Variants in PTH2R observed in about 807,000 individuals in gnomAD.
PTH2R encodes parathyroid hormone 2 receptor.
Under a neutral mutation model 60.3 loss-of-function variants are expected in PTH2R, and 59 were observed. The observed-to-expected ratio is 0.98, with a 90% CI of 0.79 to 1.22. PTH2R has a LOEUF of 1.22. PTH2R is among the 50% of genes most tolerant of loss of function. The probability of loss-of-function intolerance (pLI) is 0.00; values close to 1 mark genes in which losing one functional copy is unlikely to be tolerated. For missense variants in PTH2R, 749 were observed against 682.6 expected, an observed-to-expected ratio of 1.10 and a Z score of -1.08; for synonymous variants, 256 against 243.8, an observed-to-expected ratio of 1.05 and a Z score of -0.47.
chr2:208,434,058 A>C (rs895531200), intron 2 of PTH2R, among the ~76,000 whole-genome samples: 2 of 152,208 alleles, frequency 1.3e-5, no homozygotes, highest in Non-Finnish European at 2.9e-5. Context: ...TCGTGCCTGT[A>C]ATCCCAACAC....
chr2:208,406,045 C>T (rs79923134), upstream of PTH2R, among the ~76,000 whole-genome samples: 80 of 152,270 alleles, frequency 5.3e-4, 2 homozygotes, highest in East Asian at 0.015. Context: ...AGGAGGTTCT[C>T]GCATTTCTCC....
chr2:208,489,427 T>C (rs1703353186), intron 11 of PTH2R, among the ~76,000 whole-genome samples: 2 of 152,040 alleles, frequency 1.3e-5, no homozygotes, highest in Admixed American at 6.6e-5. Flanking sequence ...GTAAAATATG[T>C]AACACCTATA....
intron 1 of PTH2R, among the ~76,000 whole-genome samples, chr2:208,370,863 G>C (rs1222756604): frequency 6.6e-6 from 1 of 152,056 alleles, no homozygotes; most frequent in African/African-American, 2.4e-5. Flanking sequence ...CAGTTCTGCA[G>C]GGTGTATAGG....
intron 9 of PTH2R, among the ~76,000 whole-genome samples, chr2:208,474,239 T>C (rs1251888206): frequency 6.8e-6 from 1 of 147,230 alleles, no homozygotes; most frequent in African/African-American, 2.5e-5. Context: ...TAATATAACC[T>C]ATGAAAAGCA....
intron 1 of PTH2R, among the ~76,000 whole-genome samples, chr2:208,370,442 C>CAAAAAAAAA (rs71041305): frequency 3.2e-5 from 2 of 61,638 alleles, no homozygotes; most frequent in Non-Finnish European, 5.5e-5. Context: ...GACTCCGTCT[C>CAAAAAAAAA]AAAAAAAAAA....
At chr2:208,418,593 T>C (rs1191488832) in intron 1 of PTH2R, among the ~76,000 whole-genome samples, 1 of 152,086 alleles carries the variant, frequency 6.6e-6, no homozygotes. Context: ...TGAAAAAAGG[T>C]ACTTAGAAAA....
chr2:208,443,497 A>G lies in PTH2R; in HGVS notation c.659A>G (p.Gln220Arg). The G allele has an allele frequency of 6.2e-7, 1 of 1,612,006 alleles. No homozygotes were observed. Among genetic ancestry groups the G allele is most frequent in the East Asian group, 2.2e-5 (1 of 44,844 alleles). Residue 220 changes from glutamine to arginine, a missense_variant, in exon 6 of 13, where the codon CAA becomes CGA. Physicochemically the swap from Gln to Arg is conservative, Grantham distance 43. Transcript: ENST00000272847. Reference sequence around the variant, plus strand: ...TCCCTAATAATGCAGGATGACCCACAAAATTCCATTGAGGCAACTTCTGTG... The same window carrying G: ...TCCCTAATAATGCAGGATGACCCACGAAATTCCATTGAGGCAACTTCTGTG... The part of the protein sequence containing the change: ...LESLIMQDDP[Q>R]NSIEATSVDK...
Position 208,484,728 on chromosome 2 carries a change from C to T in PTH2R, c.1076+3564C>T, listed in dbSNP as rs948309975. On this transcript the variant is annotated intron_variant, in intron 10 of 12. Coordinates refer to ENST00000272847, the MANE Select transcript of PTH2R (RefSeq NM_005048.4). ...TTTATTTTTTTAAAATAAATCCAAC[C>T]GGTATTTATTACGTAGCATGAGAGT... 5.9e-5 allele frequency among the ~76,000 whole-genome samples: 9 copies of T among 152,142 alleles called. No individual in the cohort carries two copies. In the East Asian group the frequency reaches 7.7e-4, roughly 13 times the overall value.
intron 1 of PTH2R, among the ~76,000 whole-genome samples, chr2:208,363,067 T>C (rs749550099): frequency 4.6e-5 from 7 of 152,324 alleles, no homozygotes; most frequent in Non-Finnish European, 1.0e-4. Flanking sequence ...ATGTGCAGGT[T>C]TGTTACATGG....
rs1328620871 is a variant in PTH2R, at chr2:208,493,934, CTTTTGGGTAGAAAAAA to C, written c.*276_*291del. 5 of 284,088 alleles carry C rather than the reference CTTTTGGGTAGAAAAAA, an allele frequency of 1.8e-5. No individual in the cohort carries two copies. Among genetic ancestry groups the C allele is most frequent in the Non-Finnish European group, 3.2e-5 (5 of 154,016 alleles). 17.6% of individuals were successfully genotyped at this position (284,088 alleles called of 1,614,324 possible). ...TGTGATTGTTCATTTTTTTCTGCTACTTTTGGGTAGAAAAAAGATTCAATTGCTTGGCTGTAGCTTT... is the reference window on the plus strand; with the variant it reads ...TGTGATTGTTCATTTTTTTCTGCTACGATTCAATTGCTTGGCTGTAGCTTT... On this transcript the variant is annotated 3_prime_UTR_variant, in exon 13 of 13. Transcript: ENST00000272847.
intron 2 of PTH2R, among the ~76,000 whole-genome samples, chr2:208,436,627 T>C (rs954054596): frequency 2.0e-5 from 3 of 152,130 alleles, no homozygotes; most frequent in Non-Finnish European, 4.4e-5. Flanking sequence ...GCTCATGACC[T>C]GCGTGCACCA....
At chr2:208,484,775 C>T (rs866329672) in intron 10 of PTH2R, among the ~76,000 whole-genome samples, 4 of 152,132 alleles carry the variant, frequency 2.6e-5, no homozygotes, top group South Asian at 2.1e-4. Context: ...GTTTTAAGGC[C>T]GCATCCATCA....
chr2:208,392,597 C>G (rs1701126291), intron 1 of PTH2R, among the ~76,000 whole-genome samples: 1 of 152,184 alleles, frequency 6.6e-6, no homozygotes, highest in Admixed American at 6.5e-5. Flanking sequence ...AGGAGTGGGA[C>G]TTTTAGGCCT....
At chr2:208,376,945 T>C (rs995919571) in intron 1 of PTH2R, among the ~76,000 whole-genome samples, 1 of 151,792 alleles carries the variant, frequency 6.6e-6, no homozygotes, top group Non-Finnish European at 1.5e-5. Context: ...GGTCATAGGA[T>C]AATAGTGGAG....
chr2:208,381,464 C>A (rs1467176440), intron 1 of PTH2R, among the ~76,000 whole-genome samples: 1 of 151,978 alleles, frequency 6.6e-6, no homozygotes, highest in Non-Finnish European at 1.5e-5. Flanking sequence ...TCTCTCGAAC[C>A]CAGGCTGGAG....
intron 1 of PTH2R, among the ~76,000 whole-genome samples, chr2:208,409,441 C>G (rs1018646809): frequency 6.6e-6 from 1 of 152,114 alleles, no homozygotes; most frequent in Non-Finnish European, 1.5e-5. Context: ...ATATTATTAG[C>G]TTAAGTATGA....
intron 8 of PTH2R, among the ~76,000 whole-genome samples, chr2:208,458,734 A>T (rs1456119658): frequency 6.6e-6 from 1 of 152,146 alleles, no homozygotes; most frequent in African/African-American, 2.4e-5. Flanking sequence ...TTTGCTAAGG[A>T]TGATAGCCTC....
chr2:208,371,834 C>A (rs957275236), intron 1 of PTH2R, among the ~76,000 whole-genome samples: 1 of 152,084 alleles, frequency 6.6e-6, no homozygotes, highest in Non-Finnish European at 1.5e-5. Flanking sequence ...GACAAGATGT[C>A]AGTTTTGCTT....
chr2:208,389,243 C>G (rs1485962914), intron 1 of PTH2R, among the ~76,000 whole-genome samples: 1 of 151,526 alleles, frequency 6.6e-6, no homozygotes, highest in Admixed American at 6.6e-5. Context: ...CACACACACA[C>G]ACACACACAC....
Sources: gnomAD v4.1 joint callset for allele counts (sites outside exome capture counted in the v4.1 genomes callset) on GRCh38, gnomAD v4.1.1 for gene constraint, MANE v1.5 for transcripts, NCBI Gene and HGNC (gene_info 2026-07-23, HGNC 2026-07-21) for gene names.